CNTN4: variants seen among roughly 807,000 people sequenced by gnomAD.
The protein encoded by CNTN4 is contactin 4, also known as contactin-4.
A neutral mutation model predicts 122.5 loss-of-function variants in CNTN4; 77 were observed. That is an observed-to-expected ratio of 0.63 (90% CI 0.52 to 0.76). The LOEUF (loss-of-function observed/expected upper bound fraction) is 0.76. Among genes scored for constraint, CNTN4 ranks in the 30% least tolerant of loss-of-function variants. The probability of loss-of-function intolerance (pLI) is 0.00; values close to 1 mark genes in which losing one functional copy is unlikely to be tolerated. For synonymous variants in CNTN4, 512 were observed against 447.0 expected (o/e 1.15, Z -1.83); for missense variants, 1,256 against 1,259.1 (o/e 1.00, Z 0.04).
At chr3:2,729,418 G>A (rs562472835) in intron 4 of CNTN4, among the ~76,000 whole-genome samples, 21 of 151,112 alleles carry the variant, frequency 1.4e-4, no homozygotes, top group East Asian at 3.9e-4. Flanking sequence ...GGTGGCAGGC[G>A]CCTGTATTTC....
At position 2,175,485 on chromosome 3, in the gene CNTN4, G is replaced by T. The variant is rs184214805; in HGVS notation, c.-145+74846G>T. On this transcript the variant is annotated intron_variant, in intron 2 of 24. Coordinates refer to ENST00000418658, the MANE Select transcript of CNTN4 (RefSeq NM_175607.3). Reference sequence around the variant, plus strand: ...ACCTAACACTGTTTATATTTGTGTAGAAATTTTATTTATCTTATTAGATTG... The same window carrying T: ...ACCTAACACTGTTTATATTTGTGTATAAATTTTATTTATCTTATTAGATTG... 2.0e-4 allele frequency among the ~76,000 whole-genome samples: 31 copies of T among 152,268 alleles called. No individual in the cohort carries two copies. In the East Asian group the frequency reaches 6.0e-3, roughly 29 times the overall value.
At chr3:2,358,450 A>C (rs996714888) in intron 3 of CNTN4, among the ~76,000 whole-genome samples, 1 of 151,908 alleles carries the variant, frequency 6.6e-6, no homozygotes, top group African/African-American at 2.4e-5. Flanking sequence ...GCAAAATGAT[A>C]ATTCTCTTTA....
chr3:2,383,023 C>T (rs974752597), intron 3 of CNTN4, among the ~76,000 whole-genome samples: 4 of 150,692 alleles, frequency 2.7e-5, no homozygotes, highest in African/African-American at 7.3e-5. Flanking sequence ...TGCAGTGAGC[C>T]GAGATTGTGC....
chr3:2,483,093 G>T lies in CNTN4; in HGVS notation c.-88-88323G>T, dbSNP rs145888959. The stretch of plus-strand genomic sequence containing the variant: ...GCCAGCCTGTGAAAGCAGCCAGGAG[G>T]GGTGCTATACCCTGCAAAGCCATAG... On this transcript the variant is annotated intron_variant, in intron 3 of 24. Transcript: ENST00000418658. 5.8e-3 allele frequency among the ~76,000 whole-genome samples: 881 copies of T among 152,282 alleles called. 9 individuals are homozygous for T. Among genetic ancestry groups the T allele is most frequent in the African/African-American group, 0.02 (845 of 41,560 alleles).
At chr3:2,705,612 T>TTTATATATAATATATAAATATATATA (rs1559408444) in intron 4 of CNTN4, among the ~76,000 whole-genome samples, 2 of 30,232 alleles carry the variant, frequency 6.6e-5, no homozygotes, top group South Asian at 2.4e-3. Flanking sequence ...ATTTTATATA[T>TTTATATATAATATATAAATATATATA]TTATATATAA....
At position 2,239,228 on chromosome 3, in the gene CNTN4, G is replaced by C. The variant is rs571316693; in HGVS notation, c.-144-99950G>C. Reference sequence around the variant, plus strand: ...GTGTTAATAATGTGATTTGTATTTGGTTACGCAGTTGCCGATAATCCTGTG... The same window carrying C: ...GTGTTAATAATGTGATTTGTATTTGCTTACGCAGTTGCCGATAATCCTGTG... On this transcript the variant is annotated intron_variant, in intron 2 of 24. Coordinates refer to ENST00000418658, the MANE Select transcript of CNTN4 (RefSeq NM_175607.3). 3.9e-5 allele frequency among the ~76,000 whole-genome samples: 6 copies of C among 152,118 alleles called. No individual in the cohort carries two copies. In the South Asian group the frequency reaches 1.2e-3, roughly 31 times the overall value.
chr3:2,905,400 A>C (rs114259337), intron 12 of CNTN4, among the ~76,000 whole-genome samples: 2,295 of 152,262 alleles, frequency 0.015, 51 homozygotes, highest in African/African-American at 0.052. Context: ...TGGGTTGCAG[A>C]CTGCCAACCT....
At chr3:2,637,499 C>T (rs2082713034) in intron 4 of CNTN4, among the ~76,000 whole-genome samples, 1 of 152,020 alleles carries the variant, frequency 6.6e-6, no homozygotes, top group Non-Finnish European at 1.5e-5. Context: ...CTGAAACCAG[C>T]AGAGTACACA....
At chr3:2,726,229 A>T (rs2088213096) in intron 4 of CNTN4, among the ~76,000 whole-genome samples, 1 of 152,186 alleles carries the variant, frequency 6.6e-6, no homozygotes, top group Admixed American at 6.5e-5. Context: ...TTGTAGTTTT[A>T]TGAAAAGTCC....
intron 23 of CNTN4, among the ~76,000 whole-genome samples, chr3:3,045,991 CA>C (rs1700606604): frequency 1.3e-5 from 2 of 152,166 alleles, no homozygotes; most frequent in Non-Finnish European, 2.9e-5. Flanking sequence ...GCACAAGCTT[CA>C]GTAGCCAATT....
chr3:2,768,650 G>A (rs574015055), intron 6 of CNTN4, among the ~76,000 whole-genome samples: 4 of 152,224 alleles, frequency 2.6e-5, no homozygotes, highest in East Asian at 1.9e-4. Flanking sequence ...AATTGTCACC[G>A]TGTCCACAGA....
chr3:2,659,404 G>C (rs140247497), intron 4 of CNTN4, among the ~76,000 whole-genome samples: 1 of 149,300 alleles, frequency 6.7e-6, no homozygotes, highest in Admixed American at 6.7e-5. Context: ...GGAGGTTGCG[G>C]TGAGCCGAGA....
At chr3:3,027,629 C>T (rs979893109) in intron 15 of CNTN4, among the ~76,000 whole-genome samples, 1 of 152,144 alleles carries the variant, frequency 6.6e-6, no homozygotes, top group Admixed American at 6.5e-5. Flanking sequence ...AAGTGTAAAT[C>T]GAGAACATTC....
chr3:2,973,495 A>G (rs138922266), intron 13 of CNTN4, among the ~76,000 whole-genome samples: 2 of 151,988 alleles, frequency 1.3e-5, no homozygotes, highest in African/African-American at 4.8e-5. Flanking sequence ...GCATAGCTTC[A>G]TTTTGGGGGA....
intron 4 of CNTN4, among the ~76,000 whole-genome samples, chr3:2,621,889 T>A (rs2082003569): frequency 6.6e-6 from 1 of 152,098 alleles, no homozygotes; most frequent in Admixed American, 6.5e-5. Flanking sequence ...CTCTCTGGGA[T>A]CTTTTGTGTG....
intron 3 of CNTN4, among the ~76,000 whole-genome samples, chr3:2,359,537 ATTTTG>A (rs940026130): frequency 7.9e-5 from 12 of 151,920 alleles, no homozygotes; most frequent in African/African-American, 1.7e-4. Flanking sequence ...TGTATATATG[ATTTTG>A]TTTTGTTTTG....
chr3:2,533,526 A>C (rs1171176340), intron 3 of CNTN4, among the ~76,000 whole-genome samples: 1 of 152,060 alleles, frequency 6.6e-6, no homozygotes, highest in Admixed American at 6.6e-5. Context: ...TTCTTAATCC[A>C]GTCTATCATT....
intron 14 of CNTN4, among the ~76,000 whole-genome samples, chr3:3,021,218 T>G (rs1698261832): frequency 6.6e-6 from 1 of 152,220 alleles, no homozygotes; most frequent in South Asian, 2.1e-4. Flanking sequence ...ATCTAATGTT[T>G]AGGGTATGCC....
intron 6 of CNTN4, among the ~76,000 whole-genome samples, chr3:2,815,335 A>G (rs28478685): frequency 6.6e-6 from 1 of 152,132 alleles, no homozygotes. Context: ...TTCGTCATCT[A>G]TACATCTGAC....
Sources: gnomAD v4.1 joint callset for allele counts (sites outside exome capture counted in the v4.1 genomes callset) on GRCh38, gnomAD v4.1.1 for gene constraint, MANE v1.5 for transcripts, NCBI Gene and HGNC (gene_info 2026-07-23, HGNC 2026-07-21) for gene names.